The following PTPRB variants were observed in gnomAD, a reference collection of about 807,000 sequenced individuals.
PTPRB encodes the protein receptor-type tyrosine-protein phosphatase beta.
PTPRB carries 97 observed loss-of-function variants against 238.1 expected under a neutral mutation model. The ratio of observed to expected loss-of-function variants is 0.41; its 90% CI spans 0.35 to 0.48. The LOEUF (loss-of-function observed/expected upper bound fraction) is 0.48, where lower values mean the gene tolerates loss of function less well. PTPRB is among the 20% of genes least tolerant of loss of function. The pLI, the probability that PTPRB is intolerant of heterozygous loss-of-function variation, is 0.30. For missense variants in PTPRB, 2,292 were observed against 2,681.9 expected (o/e 0.85, Z 3.21); for synonymous variants, 970 against 995.4 (o/e 0.97, Z 0.48).
In PTPRB at chr12:70,556,104, T is replaced by C. The variant is rs1374625236; in HGVS notation, c.4759A>G (p.Thr1587Ala). 1 of 1,613,684 alleles carries C rather than the reference T, an allele frequency of 6.2e-7. No homozygotes were observed. Among genetic ancestry groups the C allele is most frequent in the Admixed American group, 1.7e-5 (1 of 59,978 alleles). ...QNLHCRPQNSTAIACSWIPPD... is the reference protein window; with the variant it reads ...QNLHCRPQNSAAIACSWIPPD... ...GGGATCCAAGAACAGGCAATGGCCG[T>C]GGAGTTCTGAGGCCGGCAATGCAGG... Residue 1587 changes from threonine (T) to alanine (A), a missense_variant, in exon 19 of 34, where the codon ACG becomes GCG. By Grantham distance (58) the Thr-to-Ala change is moderately conservative. This residue lies in a region of PTPRB where 683 missense variants were observed against 862.0 expected (regional missense o/e 0.79). Coordinates refer to ENST00000334414, the MANE Select transcript of PTPRB (RefSeq NM_001109754.4).
intron 13 of PTPRB, 21 bp downstream of exon 13, chr12:70,571,005 A>T: frequency 6.2e-6 from 10 of 1,611,932 alleles, no homozygotes; most frequent in Middle Eastern, 1.7e-4. Flanking sequence ...ATTCAGGTTC[A>T]AGAACAGTAT....
rs1565892298 is a variant in PTPRB at position 70,520,409 on chromosome 12, C to T, written c.*1080G>A. 1 of 229,550 alleles carries T rather than the reference C, an allele frequency of 4.4e-6. No homozygotes were observed. The highest frequency in any genetic ancestry group is 2.3e-5 in the African/African-American group (1 of 42,654). The allele number at this position is 229,550 out of a possible 1,614,324, so 14.2% of individuals were successfully genotyped here. The stretch of plus-strand genomic sequence containing the variant: ...GTTTTGAAAATTTTACTGAAGACCA[C>T]TGTTTTTGTTTTTGCTATTGTTTTT... On this transcript the variant is annotated 3_prime_UTR_variant, in exon 34 of 34. Coordinates refer to ENST00000334414, the MANE Select transcript of PTPRB (RefSeq NM_001109754.4).
In PTPRB at chr12:70,619,609, G is replaced by A. The variant is rs1884838051; in HGVS notation, c.708+2781C>T. Among the ~76,000 whole-genome samples the A allele has an allele frequency of 2.6e-5, 4 of 152,236 alleles. No individual in the cohort carries two copies. In the South Asian group the frequency reaches 8.3e-4, roughly 32 times the overall value. The stretch of plus-strand genomic sequence containing the variant: ...AACCCATCATGAAAAGGAAGCTGGT[G>A]TAGCCTACTGGCAGATAAGAGGCCA... On this transcript the variant is annotated intron_variant, in intron 3 of 33. Coordinates refer to ENST00000334414, the MANE Select transcript of PTPRB (RefSeq NM_001109754.4).
At chr12:70,559,207 G>A in intron 18 of PTPRB, 136 bp downstream of exon 18, 1 of 939,534 alleles carries the variant, frequency 1.1e-6, no homozygotes, top group Non-Finnish European at 1.6e-6. Flanking sequence ...AATCTACAGA[G>A]ACTTCTGCCT....
chr12:70,613,162 A>G (rs1884535462), intron 3 of PTPRB, among the ~76,000 whole-genome samples: 1 of 151,900 alleles, frequency 6.6e-6, no homozygotes, highest in Non-Finnish European at 1.5e-5. Context: ...GTGGTGTTGG[A>G]TGGATGAGGG....
chr12:70,620,715 A>G (rs1423895969), intron 3 of PTPRB, among the ~76,000 whole-genome samples: 1 of 152,214 alleles, frequency 6.6e-6, no homozygotes, highest in Admixed American at 6.5e-5. Flanking sequence ...TCACATCAAC[A>G]TGGATGGAAC....
chr12:70,634,247 A>G (rs571190065), intron 2 of PTPRB, among the ~76,000 whole-genome samples: 148 of 152,330 alleles, frequency 9.7e-4, no homozygotes, highest in African/African-American at 3.2e-3. Context: ...AAAGACTAAT[A>G]TAAGCCTCAC....
intron 8 of PTPRB, among the ~76,000 whole-genome samples, chr12:70,589,152 C>T (rs1273169451): frequency 6.6e-6 from 1 of 152,104 alleles, no homozygotes. Flanking sequence ...GGTCTTTGAT[C>T]ATCATCCAGT....
intron 26 of PTPRB, 90 bp downstream of exon 26, chr12:70,539,535 T>G: frequency 9.5e-7 from 1 of 1,051,072 alleles, no homozygotes; most frequent in Non-Finnish European, 1.4e-6. Context: ...ACTTCTGAGC[T>G]CAATCAGCCT....
At chr12:70,605,328 T>G (rs1239263563) in intron 4 of PTPRB, among the ~76,000 whole-genome samples, 2 of 152,184 alleles carry the variant, frequency 1.3e-5, no homozygotes, top group African/African-American at 4.8e-5. Flanking sequence ...CACATCTACA[T>G]GCTTATCTGT....
chr12:70,566,394 T>C, intron 15 of PTPRB, 41 bp downstream of exon 15: 1 of 1,596,938 alleles, frequency 6.3e-7, no homozygotes. Context: ...ATAGCAGACA[T>C]TGGCAATATG....
At chr12:70,536,354 A>T (rs1349166027) in intron 28 of PTPRB, among the ~76,000 whole-genome samples, 195 bp from the exon 29 acceptor site, 2 of 152,218 alleles carry the variant, frequency 1.3e-5, no homozygotes, top group Non-Finnish European at 2.9e-5. Context: ...TAAGAGCCAC[A>T]TTCCCTTTTA....
chr12:70,584,260 A>G (rs1289476458), intron 9 of PTPRB, among the ~76,000 whole-genome samples: 1 of 152,188 alleles, frequency 6.6e-6, no homozygotes. Context: ...GGAAAATATG[A>G]AATATATTGA....
chr12:70,600,546 G>A (rs1188490165), intron 4 of PTPRB, among the ~76,000 whole-genome samples: 1 of 152,210 alleles, frequency 6.6e-6, no homozygotes, highest in African/African-American at 2.4e-5. Context: ...AGTAACAACA[G>A]TAGTAACAGC....
intron 11 of PTPRB, among the ~76,000 whole-genome samples, chr12:70,575,456 G>C (rs1008594003): frequency 2.0e-5 from 3 of 152,056 alleles, no homozygotes; most frequent in Admixed American, 2.0e-4. Flanking sequence ...ACAATTTCAG[G>C]GGTTACTACA....
intron 20 of PTPRB, 127 bp from the exon 21 acceptor site, chr12:70,553,147 C>G (rs11178289): frequency 1.1e-5 from 13 of 1,156,574 alleles, no homozygotes; most frequent in African/African-American, 3.1e-5. Flanking sequence ...AGTACAGATT[C>G]TGCAATCTCA....
In PTPRB at chr12:70,538,187, A is replaced by T. The variant is rs932861326; in HGVS notation, c.5914T>A (p.Cys1972Ser). 1.2e-6 allele frequency: 2 copies of T among 1,613,832 alleles called. No homozygotes were observed. Among genetic ancestry groups the T allele is most frequent in the Non-Finnish European group, 1.7e-6 (2 of 1,179,790 alleles). Residue 1972 changes from cysteine (C) to serine (S), a missense_variant, in exon 28 of 34, where the codon TGC (cysteine) becomes AGC (serine). Cys to Ser is a moderately radical substitution (Grantham distance 112). Around this residue, in one of 4 missense-constraint regions of PTPRB, gnomAD observed 397 missense variants for 502.0 expected, o/e 0.79. Coordinates refer to ENST00000334414, the MANE Select transcript of PTPRB (RefSeq NM_001109754.4). ...VKLSNVDDDPCSDYINASYIP... is the reference protein window; with the variant it reads ...VKLSNVDDDPSSDYINASYIP... ...TAGCTGGCATTGATGTAGTCAGAGC[A>T]AGGATCATCATCTACATTGGAGAGC...
intron 3 of PTPRB, 99 bp from the exon 4 acceptor site, chr12:70,609,438 A>C: frequency 6.9e-7 from 1 of 1,445,752 alleles, no homozygotes; most frequent in Admixed American, 2.1e-5. Context: ...TCCTCTACTT[A>C]TCCTTTGTCC....
At position 70,559,486 on chromosome 12, in the gene PTPRB, A is replaced by T; in HGVS notation, c.4571T>A (p.Phe1524Tyr). Residue 1524 changes from phenylalanine to tyrosine, a missense_variant, in exon 18 of 34, where the codon TTC becomes TAC. Around this residue, in one of 4 missense-constraint regions of PTPRB, gnomAD observed 683 missense variants for 862.0 expected, o/e 0.79. Transcript: ENST00000334414. ...QWLPRDALTV[F>Y]NPYNNRKSEG... The stretch of plus-strand genomic sequence containing the variant: ...TGATTTTCTGTTGTTGTAGGGGTTG[A>T]AGACAGTAAGTGCATCTCTGGGCAA... The T allele has an allele frequency of 6.2e-7, 1 of 1,614,002 alleles. No individual in the cohort carries two copies. The highest frequency in any genetic ancestry group is 8.5e-7 in the Non-Finnish European group (1 of 1,179,876).
Sources: allele counts gnomAD v4.1 joint callset (sites outside exome capture counted in the v4.1 genomes callset), GRCh38; gene constraint gnomAD v4.1.1; regional missense constraint gnomAD v4.1.1; transcripts MANE v1.5; gene names NCBI Gene and HGNC (gene_info 2026-07-23, HGNC 2026-07-21).